Variants in TFDP2 observed in about 807,000 individuals in gnomAD.
TFDP2 encodes transcription factor Dp-2.
In TFDP2, 17 loss-of-function variants were observed where a neutral mutation model predicts 59.3. That is an observed-to-expected ratio of 0.29 (90% CI 0.20 to 0.43). TFDP2 has a LOEUF of 0.43. Ranked by LOEUF, TFDP2 falls within the 20% of genes least tolerant of loss-of-function variation. The pLI, the probability that TFDP2 is intolerant of heterozygous loss-of-function variation, is 1.00. For missense variants in TFDP2, 391 were observed against 528.8 expected (o/e 0.74, Z 2.56); for synonymous variants, 180 against 194.7 (o/e 0.92, Z 0.63).
At chr3:142,033,787 T>C (rs1178579035) in intron 3 of TFDP2, among the ~76,000 whole-genome samples, 2 of 152,140 alleles carry the variant, frequency 1.3e-5, no homozygotes, top group Non-Finnish European at 2.9e-5. Context: ...TAGTTTAACA[T>C]GAAAGGAATT....
At chr3:141,984,920 T>C (rs1941914096) in intron 6 of TFDP2, among the ~76,000 whole-genome samples, 1 of 152,190 alleles carries the variant, frequency 6.6e-6, no homozygotes, top group Non-Finnish European at 1.5e-5. Flanking sequence ...TTCATTTTAC[T>C]GTTCTTCTTC....
At chr3:142,015,320 AT>A (rs1397158188) in intron 3 of TFDP2, among the ~76,000 whole-genome samples, 1 of 152,152 alleles carries the variant, frequency 6.6e-6, no homozygotes, top group Non-Finnish European at 1.5e-5. Flanking sequence ...GGATTCACAT[AT>A]CCACTATCTT....
At chr3:142,067,744 T>G (rs2060118922) in intron 3 of TFDP2, among the ~76,000 whole-genome samples, 2 of 152,282 alleles carry the variant, frequency 1.3e-5, no homozygotes, top group African/African-American at 4.8e-5. Context: ...AGCTCATGCC[T>G]GTAATCTCAG....
chr3:142,034,087 C>CAA (rs2108421006), intron 3 of TFDP2, among the ~76,000 whole-genome samples: 1 of 132,630 alleles, frequency 7.5e-6, no homozygotes, highest in East Asian at 2.2e-4. Flanking sequence ...GCTTTTGCAC[C>CAA]AACTTTTTTT....
chr3:141,969,003 TATATATAG>T (rs1395022536), intron 9 of TFDP2, among the ~76,000 whole-genome samples: 1 of 86,762 alleles, frequency 1.2e-5, no homozygotes, highest in Non-Finnish European at 2.0e-5. Context: ...ATATATCTCA[TATATATAG>T]ATATATATAT....
intron 3 of TFDP2, among the ~76,000 whole-genome samples, chr3:142,036,806 G>A (rs959959770): frequency 3.0e-4 from 46 of 152,140 alleles, no homozygotes; most frequent in African/African-American, 1.1e-3. Flanking sequence ...ATAATTACCA[G>A]CAAGTAGCTC....
intron 6 of TFDP2, among the ~76,000 whole-genome samples, chr3:141,992,266 G>T (rs1228454087): frequency 6.6e-6 from 1 of 151,186 alleles, no homozygotes; most frequent in Non-Finnish European, 1.5e-5. Flanking sequence ...TTTAAAAAAT[G>T]ATAAAAAAAA....
intron 3 of TFDP2, among the ~76,000 whole-genome samples, chr3:142,080,413 AC>A (rs1276500042): frequency 1.3e-5 from 2 of 152,236 alleles, no homozygotes; most frequent in African/African-American, 4.8e-5. Context: ...ACTAAAAGGA[AC>A]GCAGGAAGGA....
At chr3:142,000,302 T>C (rs1198685339) in intron 4 of TFDP2, 1 of 702,776 alleles carries the variant, frequency 1.4e-6, no homozygotes. Flanking sequence ...GCAGATTCAG[T>C]GCCTGGTGAG....
chr3:142,134,275 A>G (rs1427066530), intron 1 of TFDP2, among the ~76,000 whole-genome samples: 1 of 146,790 alleles, frequency 6.8e-6, no homozygotes, highest in Non-Finnish European at 1.5e-5. Context: ...CCTGAACCCG[A>G]GAGGCAGAGG....
At chr3:142,003,366 A>G (rs34392664) in intron 4 of TFDP2, among the ~76,000 whole-genome samples, 51,115 of 151,352 alleles carry the variant, frequency 0.34, 8,949 homozygotes, top group African/African-American at 0.45. Context: ...TCTTGATCTC[A>G]TGACCCGCCC....
intron 4 of TFDP2, among the ~76,000 whole-genome samples, chr3:141,996,133 G>C (rs1239875958): frequency 2.6e-5 from 4 of 151,998 alleles, no homozygotes; most frequent in Non-Finnish European, 4.4e-5. Flanking sequence ...GACTTTTTTA[G>C]AAAGGTACCT....
At position 141,963,205 on chromosome 3, in the gene TFDP2, C is replaced by T. The variant is rs1937547838; in HGVS notation, c.884+607G>A. ...AAACTTTTTCATGAATGGTAAAATA[C>T]ATCACAAATTAATTCTATATTTTGA... On this transcript the variant is annotated intron_variant, in intron 10 of 12. Transcript: ENST00000489671. Among the ~76,000 whole-genome samples the T allele has an allele frequency of 2.0e-5, 3 of 152,200 alleles. 1 individual carries two copies. The highest frequency in any genetic ancestry group is 4.1e-4 in the South Asian group (2 of 4,822).
At chr3:142,084,644 T>A (rs564850287) in intron 3 of TFDP2, among the ~76,000 whole-genome samples, 1 of 151,774 alleles carries the variant, frequency 6.6e-6, no homozygotes, top group Admixed American at 6.6e-5. Context: ...ATTCGGCCAT[T>A]AAAAAAAATG....
intron 7 of TFDP2, among the ~76,000 whole-genome samples, chr3:141,978,232 C>G (rs532654825): frequency 6.7e-4 from 102 of 151,714 alleles, no homozygotes; most frequent in African/African-American, 2.4e-3. Context: ...GTAATCCCAG[C>G]TACGCGGGAG....
chr3:142,119,003 A>T (rs1407052943), intron 1 of TFDP2, among the ~76,000 whole-genome samples: 2 of 152,194 alleles, frequency 1.3e-5, no homozygotes, highest in Non-Finnish European at 2.9e-5. Context: ...CACTAAAAAT[A>T]CAAAAAAACT....
intron 3 of TFDP2, among the ~76,000 whole-genome samples, chr3:142,016,627 T>C (rs1034677762): frequency 1.3e-5 from 2 of 152,192 alleles, no homozygotes; most frequent in Non-Finnish European, 2.9e-5. Context: ...TAAATGTTTG[T>C]ATAATGTTTT....
chr3:142,073,353 T>C (rs1201320375), intron 3 of TFDP2, among the ~76,000 whole-genome samples: 1 of 149,786 alleles, frequency 6.7e-6, no homozygotes, highest in Non-Finnish European at 1.5e-5. Context: ...TGTACTATCT[T>C]CAAAATTTTT....
chr3:142,113,408 G>T (rs1172518092), intron 1 of TFDP2, among the ~76,000 whole-genome samples: 1 of 152,018 alleles, frequency 6.6e-6, no homozygotes, highest in Non-Finnish European at 1.5e-5. Flanking sequence ...ACAGGCATGT[G>T]CCACCACACC....
Sources: allele counts gnomAD v4.1 joint callset (sites outside exome capture counted in the v4.1 genomes callset), GRCh38; gene constraint gnomAD v4.1.1; transcripts MANE v1.5; gene names NCBI Gene and HGNC (gene_info 2026-07-23, HGNC 2026-07-21).